SUCLA2: variants seen among roughly 807,000 people sequenced by gnomAD.
SUCLA2 encodes the protein succinate-CoA ligase ADP-forming subunit beta.
SUCLA2 carries 30 observed loss-of-function variants against 54.8 expected under a neutral mutation model. The observed-to-expected ratio is 0.55, with a 90% CI of 0.41 to 0.74. SUCLA2 has a LOEUF of 0.74. Among genes scored for constraint, SUCLA2 ranks in the 30% least tolerant of loss-of-function variants. The pLI, the probability that SUCLA2 is intolerant of heterozygous loss-of-function variation, is 0.00. For missense variants in SUCLA2, 476 were observed against 562.9 expected (o/e 0.85, Z 1.56); for synonymous variants, 172 against 188.9 (o/e 0.91, Z 0.74).
intron 9 of SUCLA2, 32 bp downstream of exon 9, chr13:47,949,451 A>G (rs760494537): frequency 1.2e-6 from 2 of 1,612,454 alleles, no homozygotes; most frequent in Non-Finnish European, 1.7e-6. Flanking sequence ...TTAAAGAATT[A>G]GGAACAACTG....
At chr13:47,960,114 G>A (rs966800227) in intron 6 of SUCLA2, among the ~76,000 whole-genome samples, 1 of 152,154 alleles carries the variant, frequency 6.6e-6, no homozygotes, top group Non-Finnish European at 1.5e-5. Context: ...AGGGTAGACT[G>A]AGTAGGGGAA....
intron 10 of SUCLA2, chr13:47,945,803 G>C (rs1365668324): frequency 6.6e-6 from 1 of 152,240 alleles, no homozygotes; most frequent in South Asian, 2.1e-4. Context: ...GTTTTAAACT[G>C]TGTGTTGTTC....
chr13:47,992,863 A>G (rs529422238), intron 2 of SUCLA2, among the ~76,000 whole-genome samples: 1 of 152,372 alleles, frequency 6.6e-6, no homozygotes, highest in South Asian at 2.1e-4. Context: ...ATTCAACCAG[A>G]TAGGGATTCC....
chr13:47,979,376 G>A (rs985266882), intron 4 of SUCLA2, among the ~76,000 whole-genome samples: 8 of 152,162 alleles, frequency 5.3e-5, no homozygotes, highest in African/African-American at 1.9e-4. Context: ...TTCTCAGCAA[G>A]CTAACACAGA....
chr13:47,959,482 G>C (rs1283864568), intron 6 of SUCLA2, among the ~76,000 whole-genome samples: 3 of 89,720 alleles, frequency 3.3e-5, no homozygotes, highest in Non-Finnish European at 7.1e-5. Context: ...GGGCGGAGGA[G>C]GAGGGGGGAA....
chr13:47,947,489 T>C (rs777281694), intron 10 of SUCLA2, among the ~76,000 whole-genome samples: 4 of 152,192 alleles, frequency 2.6e-5, no homozygotes, highest in Non-Finnish European at 5.9e-5. Flanking sequence ...CACGTGGAAG[T>C]ATTACTTTTT....
chr13:47,989,965 C>T (rs147648321), intron 2 of SUCLA2, among the ~76,000 whole-genome samples: 2 of 152,264 alleles, frequency 1.3e-5, no homozygotes, highest in Admixed American at 1.3e-4. Flanking sequence ...AGACTGATTA[C>T]TATTTATCCC....
intron 6 of SUCLA2, among the ~76,000 whole-genome samples, chr13:47,960,326 T>C (rs919053364): frequency 7.2e-5 from 11 of 152,262 alleles, no homozygotes; most frequent in South Asian, 2.1e-4. Flanking sequence ...CCTTTAAAAA[T>C]TGATAGAGGA....
At chr13:48,001,123 A>G in intron 1 of SUCLA2, 57 bp downstream of exon 1, 16 of 1,560,228 alleles carry the variant, frequency 1.0e-5, no homozygotes, top group Non-Finnish European at 1.2e-5. Context: ...GGGACCCCTC[A>G]CACCTCACCC....
intron 2 of SUCLA2, among the ~76,000 whole-genome samples, chr13:47,992,359 T>TA (rs11315121): frequency 3.0e-4 from 34 of 112,836 alleles, no homozygotes; most frequent in African/African-American, 9.2e-4. Flanking sequence ...AAGTTCCTTC[T>TA]AAAAAAAAAA....
intron 6 of SUCLA2, among the ~76,000 whole-genome samples, chr13:47,966,739 G>T (rs1382748538): frequency 2.6e-5 from 4 of 151,520 alleles, no homozygotes; most frequent in Non-Finnish European, 5.9e-5. Context: ...AAATAGGCTG[G>T]GTGTGATGGC....
chr13:47,975,583 A>G (rs2137724942), intron 4 of SUCLA2, among the ~76,000 whole-genome samples: 1 of 48,942 alleles, frequency 2.0e-5, no homozygotes, highest in Admixed American at 2.8e-4. Flanking sequence ...AAATAAGGCA[A>G]TAACAAAAAT....
chr13:47,981,971 C>A (rs1424937196), intron 4 of SUCLA2, among the ~76,000 whole-genome samples: 1 of 152,190 alleles, frequency 6.6e-6, no homozygotes, highest in East Asian at 1.9e-4. Flanking sequence ...GGAGACATAG[C>A]GAGACTCTGT....
At chr13:47,955,689 A>T (rs1045579544) in intron 6 of SUCLA2, among the ~76,000 whole-genome samples, 1 of 151,876 alleles carries the variant, frequency 6.6e-6, no homozygotes, top group African/African-American at 2.4e-5. Flanking sequence ...CTTGTACCAA[A>T]TTTTTTTCCT....
chr13:47,948,261 C>T (rs1214291893), intron 10 of SUCLA2, among the ~76,000 whole-genome samples: 1 of 152,098 alleles, frequency 6.6e-6, no homozygotes, highest in African/African-American at 2.4e-5. Context: ...AGATATAAGA[C>T]GTTCTGACAA....
intron 1 of SUCLA2, among the ~76,000 whole-genome samples, chr13:47,998,615 A>G (rs941094108): frequency 5.3e-5 from 8 of 152,230 alleles, no homozygotes; most frequent in Admixed American, 3.3e-4. Flanking sequence ...TAATCTCACA[A>G]ACATAATGTA....
At chr13:47,957,108 T>C (rs1949827532) in intron 6 of SUCLA2, among the ~76,000 whole-genome samples, 1 of 152,198 alleles carries the variant, frequency 6.6e-6, no homozygotes, top group Non-Finnish European at 1.5e-5. Flanking sequence ...ACAATGAGAC[T>C]AGACTCTGGA....
intron 4 of SUCLA2, among the ~76,000 whole-genome samples, chr13:47,977,580 T>A (rs1950026494): frequency 6.6e-6 from 1 of 152,140 alleles, no homozygotes; most frequent in Non-Finnish European, 1.5e-5. Flanking sequence ...TACATCATGA[T>A]CAAGTGGGAC....
At chr13:47,961,876 T>C (rs538794886) in intron 6 of SUCLA2, among the ~76,000 whole-genome samples, 137 of 152,324 alleles carry the variant, frequency 9.0e-4, no homozygotes, top group African/African-American at 3.3e-3. Flanking sequence ...AAGTGACTTA[T>C]AATCACCTAT....
Sources: gnomAD v4.1 joint callset for allele counts (sites outside exome capture counted in the v4.1 genomes callset) on GRCh38, gnomAD v4.1.1 for gene constraint, MANE v1.5 for transcripts, NCBI Gene and HGNC (gene_info 2026-07-23, HGNC 2026-07-21) for gene names.